Variants in RASSF8 observed in about 807,000 individuals in gnomAD.
RASSF8 encodes the protein Ras association domain family member 8.
RASSF8 carries 22 observed loss-of-function variants against 48.5 expected under a neutral mutation model. The observed-to-expected ratio is 0.45, with a 90% CI of 0.32 to 0.65. The LOEUF (loss-of-function observed/expected upper bound fraction) is 0.65, where lower values mean the gene tolerates loss of function less well. Ranked by LOEUF, RASSF8 falls within the 30% of genes least tolerant of loss-of-function variation. RASSF8 has a pLI of 0.03. For synonymous variants in RASSF8, 127 were observed against 171.5 expected, an observed-to-expected ratio of 0.74 and a Z score of 2.03; for missense variants, 418 against 489.2, an observed-to-expected ratio of 0.85 and a Z score of 1.37.
At chr12:26,047,668 CTA>C (rs146766251) in intron 2 of RASSF8, among the ~76,000 whole-genome samples, 4,150 of 152,226 alleles carry the variant, frequency 0.027, 142 homozygotes, top group African/African-American at 0.082. Context: ...TTGAATGAAA[CTA>C]TGTCGACTTA....
intron 2 of RASSF8, among the ~76,000 whole-genome samples, chr12:26,015,745 A>G (rs1040307608): frequency 1.3e-5 from 2 of 152,228 alleles, no homozygotes; most frequent in African/African-American, 4.8e-5. Flanking sequence ...GCTGATTTGG[A>G]TGTGCTTTGG....
chr12:26,065,251 T>C lies in RASSF8; in HGVS notation c.857T>C (p.Val286Ala). 1 of 1,613,954 alleles carries C rather than the reference T, an allele frequency of 6.2e-7. No homozygotes were observed. Among genetic ancestry groups the C allele is most frequent in the Non-Finnish European group, 8.5e-7 (1 of 1,179,974 alleles). Residue 286 changes from valine to alanine, a missense_variant, in exon 4 of 6, where the codon GTC (valine) becomes GCC (alanine). Val to Ala is a moderately conservative substitution (Grantham distance 64). Transcript: ENST00000689635. The part of the protein sequence containing the change: ...KLQREVQEAQ[V>A]NEEEVKGKIG... ...CAACGGGAAGTTCAAGAGGCACAGG[T>C]CAATGAGGAAGAGGTTAAAGGAAAG...
chr12:26,062,155 C>T lies in RASSF8; in HGVS notation c.104-2343C>T, dbSNP rs192746273. Among the ~76,000 whole-genome samples the T allele has an allele frequency of 1.2e-4, 19 of 152,262 alleles. No homozygotes were observed. In the East Asian group the frequency reaches 2.7e-3, roughly 22 times the overall value. ...CCCCTCCTGTTACCGAAGGAGGACA[C>T]AGAGGTTCAGAGAAGAGTAAGATTC... On this transcript the variant is annotated intron_variant, in intron 3 of 5. Coordinates refer to ENST00000689635, the MANE Select transcript of RASSF8 (RefSeq NM_001394098.1).
chr12:25,983,232 A>G (rs1351443519), intron 1 of RASSF8, among the ~76,000 whole-genome samples: 1 of 73,088 alleles, frequency 1.4e-5, no homozygotes, highest in African/African-American at 4.8e-5. Flanking sequence ...GCAAGTGAAT[A>G]TAAAAATGAC....
chr12:26,073,420 A>G (rs1467283460), downstream of RASSF8, among the ~76,000 whole-genome samples: 1 of 152,186 alleles, frequency 6.6e-6, no homozygotes, highest in Non-Finnish European at 1.5e-5. Context: ...TATTTTTATA[A>G]GAAGTTAAAC....
In RASSF8 at chr12:26,067,528, A is replaced by C. The variant is rs1446301654; in HGVS notation, c.994-41A>C. On this transcript the variant is annotated intron_variant, in intron 4 of 5. Transcript: ENST00000689635. Reference sequence around the variant, plus strand: ...ACAAAGATGTCTTGCACTGTCCAGTAGTGAATCCTCAAATTTAAAAAAATA... The same window carrying C: ...ACAAAGATGTCTTGCACTGTCCAGTCGTGAATCCTCAAATTTAAAAAAATA... 6.5e-6 allele frequency: 10 copies of C among 1,541,948 alleles called. No homozygotes were observed. In the East Asian group the frequency reaches 1.2e-4, roughly 19 times the overall value.
chr12:25,989,128 G>C (rs1055360304), intron 1 of RASSF8, among the ~76,000 whole-genome samples: 1 of 152,098 alleles, frequency 6.6e-6, no homozygotes, highest in African/African-American at 2.4e-5. Flanking sequence ...CTGTTCTTCA[G>C]GTTTCTTTCC....
chr12:26,023,230 G>A (rs1350056560), intron 2 of RASSF8, among the ~76,000 whole-genome samples: 1 of 151,890 alleles, frequency 6.6e-6, no homozygotes, highest in Admixed American at 6.6e-5. Flanking sequence ...GGAAGAAAAA[G>A]GAATAAAAAA....
At chr12:25,977,151 G>A (rs1189459272) in intron 1 of RASSF8, among the ~76,000 whole-genome samples, 1 of 152,198 alleles carries the variant, frequency 6.6e-6, no homozygotes, top group Admixed American at 6.5e-5. Context: ...TAGCAACATT[G>A]TCATTATGAC....
At chr12:26,024,585 A>G (rs571933594) in intron 2 of RASSF8, among the ~76,000 whole-genome samples, 1 of 152,352 alleles carries the variant, frequency 6.6e-6, no homozygotes, top group African/African-American at 2.4e-5. Flanking sequence ...AACTAAATTT[A>G]GCAGTGTATA....
chr12:26,038,215 TC>T (rs1173921269), intron 2 of RASSF8, among the ~76,000 whole-genome samples: 1 of 152,216 alleles, frequency 6.6e-6, no homozygotes, highest in Non-Finnish European at 1.5e-5. Flanking sequence ...AAGCTTTGTT[TC>T]ATGATCACGG....
chr12:26,042,684 A>T (rs1429913288), intron 2 of RASSF8, among the ~76,000 whole-genome samples: 1 of 152,086 alleles, frequency 6.6e-6, no homozygotes. Context: ...AGTATGATTT[A>T]CTTGAGCATT....
At chr12:25,984,520 T>G (rs149770634) in intron 1 of RASSF8, among the ~76,000 whole-genome samples, 167 of 152,304 alleles carry the variant, frequency 1.1e-3, no homozygotes, top group African/African-American at 3.9e-3. Context: ...TTTTTGCATT[T>G]TTAGTAGATA....
At chr12:26,009,940 C>T (rs1942482743) in intron 2 of RASSF8, among the ~76,000 whole-genome samples, 1 of 152,142 alleles carries the variant, frequency 6.6e-6, no homozygotes, top group Non-Finnish European at 1.5e-5. Flanking sequence ...CAGAAGAAGG[C>T]TGTTGTGTTT....
At chr12:26,036,665 TG>T (rs1012321460) in intron 2 of RASSF8, among the ~76,000 whole-genome samples, 3 of 152,020 alleles carry the variant, frequency 2.0e-5, no homozygotes, top group Non-Finnish European at 2.9e-5. Flanking sequence ...CCCAACACTT[TG>T]GGAGGCTAAA....
chr12:26,072,952 T>A, downstream of RASSF8: 1 of 459,536 alleles, frequency 2.2e-6, no homozygotes, highest in Non-Finnish European at 2.9e-6. Flanking sequence ...AAGAGAATAG[T>A]GGCACATATC....
rs767660987 is a variant in RASSF8 at position 26,072,408 on chromosome 12, C to A, written c.*3590C>A. 15 of 981,946 alleles carry A rather than the reference C, an allele frequency of 1.5e-5. No individual in the cohort carries two copies. Among genetic ancestry groups the A allele is most frequent in the Non-Finnish European group, 1.8e-5 (15 of 826,958 alleles). 60.8% of individuals were successfully genotyped at this position (981,946 alleles called of 1,614,324 possible). ...CAGGACAGTGACTGCCTGAAAGCTG[C>A]AGGAGCTCTTTTCAATGCATTTTAT... On this transcript the variant is annotated 3_prime_UTR_variant, in exon 6 of 6. Coordinates refer to ENST00000689635, the MANE Select transcript of RASSF8 (RefSeq NM_001394098.1).
At chr12:26,051,288 G>T (rs549992545) in intron 2 of RASSF8, among the ~76,000 whole-genome samples, 1 of 152,274 alleles carries the variant, frequency 6.6e-6, no homozygotes, top group South Asian at 2.1e-4. Context: ...AAATACTTAA[G>T]TGTGTAATAT....
At position 25,968,262 on chromosome 12, in the gene RASSF8, G is replaced by A. The variant is rs147067493; in HGVS notation, c.-203+9114G>A. Among the ~76,000 whole-genome samples the A allele has an allele frequency of 2.2e-4, 34 of 152,336 alleles. No individual in the cohort carries two copies. The South Asian group carries it at 2.9e-3, about 13-fold the overall frequency. ...ATATAACTGAAGTTGTTTGCAGCAT[G>A]TTTACACTGTTGGGCTGTCTCCCTC... On this transcript the variant is annotated intron_variant, in intron 1 of 5. Coordinates refer to ENST00000689635, the MANE Select transcript of RASSF8 (RefSeq NM_001394098.1).
Sources: allele counts gnomAD v4.1 joint callset (sites outside exome capture counted in the v4.1 genomes callset), GRCh38; gene constraint gnomAD v4.1.1; transcripts MANE v1.5; gene names NCBI Gene and HGNC (gene_info 2026-07-23, HGNC 2026-07-21).